The following SSH2 variants were observed in gnomAD, a reference collection of about 807,000 sequenced individuals.
SSH2 encodes protein phosphatase Slingshot homolog 2.
A neutral mutation model predicts 135.2 loss-of-function variants in SSH2; 37 were observed. The ratio of observed to expected loss-of-function variants is 0.27; its 90% CI spans 0.21 to 0.36. The LOEUF (loss-of-function observed/expected upper bound fraction) is 0.36, where lower values mean the gene tolerates loss of function less well. Ranked by LOEUF, SSH2 falls within the 10% of genes least tolerant of loss-of-function variation. The probability of loss-of-function intolerance (pLI) is 1.00; values close to 1 mark genes in which losing one functional copy is unlikely to be tolerated. For synonymous variants in SSH2, 628 were observed against 646.2 expected, an observed-to-expected ratio of 0.97 and a Z score of 0.43; for missense variants, 1,408 against 1,765.3, an observed-to-expected ratio of 0.80 and a Z score of 3.63.
In SSH2 at chr17:29,724,592, T is replaced by C. The variant is rs868618450; in HGVS notation, c.189-21530A>G. ...CCAGATTACCAAATCTTTTTTTTTT[T>C]TTTTTTTTTTTTCAAAGAGACAGAG... is the stretch of plus-strand genomic sequence containing the variant. On this transcript the variant is annotated intron_variant, in intron 3 of 15. Coordinates refer to ENST00000540801, the MANE Select transcript of SSH2 (RefSeq NM_001282129.2). 4.3e-3 allele frequency among the ~76,000 whole-genome samples: 624 copies of C among 146,106 alleles called. 8 individuals are homozygous for C. Among genetic ancestry groups the C allele is most frequent in the African/African-American group, 0.015 (599 of 39,642 alleles).
intron 1 of SSH2, among the ~76,000 whole-genome samples, chr17:29,870,071 G>A (rs1056319796): frequency 1.8e-4 from 28 of 151,898 alleles, no homozygotes; most frequent in African/African-American, 5.8e-4. Flanking sequence ...CTTTGGGCCC[G>A]CAATTCTATT....
At chr17:29,838,195 C>G (rs905324049) in intron 2 of SSH2, among the ~76,000 whole-genome samples, 7 of 152,352 alleles carry the variant, frequency 4.6e-5, no homozygotes, top group African/African-American at 1.7e-4. Context: ...GCAACCCAGC[C>G]ACGTGTATGC....
At chr17:29,746,061 G>A (rs533636666) in intron 3 of SSH2, among the ~76,000 whole-genome samples, 1 of 152,240 alleles carries the variant, frequency 6.6e-6, no homozygotes, top group South Asian at 2.1e-4. Context: ...TTATTGAGGA[G>A]GGAAGGGCAT....
At chr17:29,682,765 G>C (rs1359268034) in intron 6 of SSH2, among the ~76,000 whole-genome samples, 1 of 152,140 alleles carries the variant, frequency 6.6e-6, no homozygotes, top group Non-Finnish European at 1.5e-5. Context: ...CTAAATTAGA[G>C]GTCCTAAAAT....
chr17:29,761,386 C>T (rs960582015), intron 3 of SSH2: 1 of 1,063,522 alleles, frequency 9.4e-7, no homozygotes, highest in Non-Finnish European at 1.1e-6. Flanking sequence ...CCGGGTCGCG[C>T]GGAGGCAGCC....
chr17:29,793,297 T>C (rs1310001126), intron 3 of SSH2, among the ~76,000 whole-genome samples: 1 of 152,184 alleles, frequency 6.6e-6, no homozygotes, highest in Non-Finnish European at 1.5e-5. Flanking sequence ...AAATATTTCA[T>C]TGCATTTTAA....
intron 3 of SSH2, among the ~76,000 whole-genome samples, chr17:29,755,411 G>C (rs1302524185): frequency 6.6e-6 from 1 of 151,946 alleles, no homozygotes; most frequent in Non-Finnish European, 1.5e-5. Flanking sequence ...ACCATATTTG[G>C]TGAGTTTTAT....
intron 1 of SSH2, among the ~76,000 whole-genome samples, chr17:29,906,027 A>G (rs1422980223): frequency 6.6e-6 from 1 of 152,106 alleles, no homozygotes; most frequent in Non-Finnish European, 1.5e-5. Flanking sequence ...CTGCCTGCCT[A>G]CAGAGGGGAG....
chr17:29,739,375 C>T (rs755369285), intron 3 of SSH2, among the ~76,000 whole-genome samples: 2 of 152,142 alleles, frequency 1.3e-5, no homozygotes, highest in Non-Finnish European at 2.9e-5. Context: ...ACAGCCCCTG[C>T]CTTTTCACTT....
intron 1 of SSH2, among the ~76,000 whole-genome samples, chr17:29,862,863 A>G (rs920517790): frequency 3.3e-5 from 5 of 152,270 alleles, no homozygotes; most frequent in African/African-American, 1.2e-4. Context: ...AATCTCACCC[A>G]TCCTTCAAAG....
At chr17:29,648,442 C>A in intron 13 of SSH2, 98 bp from the exon 14 acceptor site, 1 of 919,582 alleles carries the variant, frequency 1.1e-6, no homozygotes, top group South Asian at 1.8e-5. Context: ...CTGTCCTGCT[C>A]TTCCATTTTC....
intron 1 of SSH2, among the ~76,000 whole-genome samples, chr17:29,875,854 C>A (rs552535635): frequency 1.9e-4 from 29 of 152,040 alleles, no homozygotes; most frequent in Non-Finnish European, 3.7e-4. Context: ...GAAGGCCTTG[C>A]CTAACATTTA....
In SSH2 at chr17:29,631,167, T is replaced by C; in HGVS notation, c.4027A>G (p.Asn1343Asp). The C allele has an allele frequency of 6.2e-7, 1 of 1,614,188 alleles. No homozygotes were observed. Among genetic ancestry groups the C allele is most frequent in the Non-Finnish European group, 8.5e-7 (1 of 1,180,026 alleles). ...ACAAAAGACTTGGTGGGCTCTGGGTTGTGGGGGGCACCTGGGTTTTCTAGG... is the reference window on the plus strand; with the variant it reads ...ACAAAAGACTTGGTGGGCTCTGGGTCGTGGGGGGCACCTGGGTTTTCTAGG... ...ESLENPGAPH[N>D]PEPTKSFVEQ... The change falls in exon 16 of 16, where the codon AAC becomes GAC. Residue 1343 changes from asparagine to aspartate, a missense_variant. This residue lies in a region of SSH2 where 1,080 missense variants were observed against 1,144.5 expected (regional missense o/e 0.94). Transcript: ENST00000540801.
intron 3 of SSH2, among the ~76,000 whole-genome samples, chr17:29,704,692 G>A: frequency 8.0e-6 from 1 of 125,062 alleles, no homozygotes. Context: ...GACAGAGCAA[G>A]ACTCTGTCTC....
intron 2 of SSH2, among the ~76,000 whole-genome samples, chr17:29,821,324 A>G (rs2042647419): frequency 6.6e-6 from 1 of 151,866 alleles, no homozygotes; most frequent in Admixed American, 6.6e-5. Flanking sequence ...CAGTGGTGCA[A>G]TCATAGCTCA....
At chr17:29,791,985 T>G (rs1258957207) in intron 3 of SSH2, among the ~76,000 whole-genome samples, 1 of 150,348 alleles carries the variant, frequency 6.7e-6, no homozygotes, top group Non-Finnish European at 1.5e-5. Flanking sequence ...TGCAGTTGTG[T>G]GGTCTCTGCT....
At position 29,790,321 on chromosome 17, in the gene SSH2, T is replaced by C. The variant is rs2042041864; in HGVS notation, c.188+3573A>G. On this transcript the variant is annotated intron_variant, in intron 3 of 15. Coordinates refer to ENST00000540801, the MANE Select transcript of SSH2 (RefSeq NM_001282129.2). ...AGACCAGAACGTGCTCTCTCTTTCT[T>C]TCTCCCCACCAAGTAAGAACACTGA... Among the ~76,000 whole-genome samples, 3 of 152,118 alleles carry C rather than the reference T, an allele frequency of 2.0e-5. No homozygotes were observed. The South Asian group carries it at 6.2e-4, about 32-fold the overall frequency.
At chr17:29,788,579 T>C (rs922750274) in intron 3 of SSH2, among the ~76,000 whole-genome samples, 3 of 151,970 alleles carry the variant, frequency 2.0e-5, no homozygotes, top group African/African-American at 7.3e-5. Flanking sequence ...CTTTCTTTCT[T>C]TCTCTCTCTT....
intron 3 of SSH2, among the ~76,000 whole-genome samples, chr17:29,760,112 G>A (rs2041244155): frequency 6.6e-6 from 1 of 152,176 alleles, no homozygotes; most frequent in Non-Finnish European, 1.5e-5. Flanking sequence ...GGTAGGATAG[G>A]AGGGCAAACC....
Sources: allele counts gnomAD v4.1 joint callset (sites outside exome capture counted in the v4.1 genomes callset), GRCh38; gene constraint gnomAD v4.1.1; regional missense constraint gnomAD v4.1.1; transcripts MANE v1.5; gene names NCBI Gene and HGNC (gene_info 2026-07-23, HGNC 2026-07-21).